Variants in MATN2 observed in about 807,000 individuals in gnomAD.
MATN2 encodes matrilin 2, also known as matrilin-2.
A neutral mutation model predicts 103.2 loss-of-function variants in MATN2; 69 were observed. The observed-to-expected ratio is 0.67, with a 90% CI of 0.55 to 0.82. The LOEUF (loss-of-function observed/expected upper bound fraction) is 0.82, where lower values mean the gene tolerates loss of function less well. Ranked by LOEUF, MATN2 falls within the 40% of genes least tolerant of loss-of-function variation. MATN2 has a pLI of 0.00. For missense variants in MATN2, 1,023 were observed against 1,211.5 expected (o/e 0.84, Z 2.31); for synonymous variants, 429 against 450.2 (o/e 0.95, Z 0.60).
chr8:98,030,327 A>C, intron 14 of MATN2, 135 bp from the exon 15 acceptor site: 1 of 660,386 alleles, frequency 1.5e-6, no homozygotes. Context: ...GTAGAAAAAT[A>C]AAAAGGAAGG....
At chr8:97,916,970 G>T (rs541280015) in intron 2 of MATN2, among the ~76,000 whole-genome samples, 3 of 151,650 alleles carry the variant, frequency 2.0e-5, no homozygotes, top group Non-Finnish European at 4.4e-5. Context: ...TTGCTGGCTC[G>T]TTGGTGCACA....
At chr8:97,907,918 A>T (rs1819235346) in intron 2 of MATN2, among the ~76,000 whole-genome samples, 1 of 151,936 alleles carries the variant, frequency 6.6e-6, no homozygotes, top group East Asian at 1.9e-4. Flanking sequence ...CAGGTGGATA[A>T]CCTGAGGCGA....
At chr8:97,884,053 T>C (rs1379467079) in intron 1 of MATN2, among the ~76,000 whole-genome samples, 2 of 152,194 alleles carry the variant, frequency 1.3e-5, no homozygotes, top group Non-Finnish European at 2.9e-5. Context: ...TAGGATAATA[T>C]ACATAAGTAA....
intron 12 of MATN2, among the ~76,000 whole-genome samples, chr8:98,018,809 C>T (rs991232150): frequency 3.3e-5 from 5 of 152,036 alleles, no homozygotes; most frequent in South Asian, 2.1e-4. Context: ...TCCCACAACA[C>T]GTGGGAATTG....
At chr8:98,001,412 G>C (rs1217429898) in intron 7 of MATN2, among the ~76,000 whole-genome samples, 1 of 151,574 alleles carries the variant, frequency 6.6e-6, no homozygotes, top group African/African-American at 2.4e-5. Flanking sequence ...AGACTCAAAG[G>C]CAGAAAGGAC....
chr8:97,892,191 C>T (rs1406195270), intron 2 of MATN2, among the ~76,000 whole-genome samples: 5 of 148,144 alleles, frequency 3.4e-5, no homozygotes, highest in Admixed American at 2.0e-4. Context: ...GAGCCGAGAT[C>T]ACACCACTGC....
intron 10 of MATN2, among the ~76,000 whole-genome samples, chr8:98,009,117 A>G (rs1253211091): frequency 6.6e-6 from 1 of 152,248 alleles, no homozygotes; most frequent in South Asian, 2.1e-4. Context: ...ATGTGGTTGT[A>G]TCTAGATGAG....
intron 6 of MATN2, among the ~76,000 whole-genome samples, chr8:97,987,194 G>A (rs1379594508): frequency 6.6e-6 from 1 of 152,056 alleles, no homozygotes; most frequent in East Asian, 1.9e-4. Context: ...TGTTGTACTA[G>A]TTTACATTCC....
chr8:97,907,950 C>T (rs1819237250), intron 2 of MATN2, among the ~76,000 whole-genome samples: 1 of 152,122 alleles, frequency 6.6e-6, no homozygotes, highest in Non-Finnish European at 1.5e-5. Flanking sequence ...CCAGCCTGAC[C>T]AATCTGGTGA....
chr8:97,885,038 C>G (rs982615574), intron 1 of MATN2, among the ~76,000 whole-genome samples: 2 of 152,284 alleles, frequency 1.3e-5, no homozygotes, highest in Middle Eastern at 3.4e-3. Flanking sequence ...ATCCTCAGTG[C>G]CTTTTGGTTA....
chr8:98,003,024 T>A (rs1362136885), intron 7 of MATN2, among the ~76,000 whole-genome samples: 1 of 152,010 alleles, frequency 6.6e-6, no homozygotes, highest in East Asian at 1.9e-4. Context: ...CCAGCCATAC[T>A]CAGCTCCTCA....
At chr8:98,006,388 T>G (rs1025476217) in intron 8 of MATN2, among the ~76,000 whole-genome samples, 5 of 152,228 alleles carry the variant, frequency 3.3e-5, no homozygotes, top group Admixed American at 1.3e-4. Context: ...TAGCTACTGT[T>G]CTGAGCGCTT....
intron 7 of MATN2, among the ~76,000 whole-genome samples, chr8:97,996,421 G>A (rs1812591118): frequency 1.3e-5 from 2 of 152,256 alleles, no homozygotes; most frequent in South Asian, 4.2e-4. Context: ...TTGGTCCCCA[G>A]GTGGGCCTGT....
chr8:97,962,942 C>A (rs1481143879), intron 5 of MATN2, among the ~76,000 whole-genome samples: 1 of 152,150 alleles, frequency 6.6e-6, no homozygotes, highest in Admixed American at 6.5e-5. Flanking sequence ...TGAGACCAAC[C>A]TGGCCAATAT....
At chr8:98,009,458 T>C (rs1813085079) in intron 10 of MATN2, among the ~76,000 whole-genome samples, 1 of 152,210 alleles carries the variant, frequency 6.6e-6, no homozygotes, top group African/African-American at 2.4e-5. Context: ...TGGCTCTTTA[T>C]AGAGGCAGCC....
rs893410998 is a variant in MATN2, at chr8:97,869,844, T to G, written c.-27+557T>G. Among the ~76,000 whole-genome samples the G allele has an allele frequency of 2.0e-5, 3 of 152,096 alleles. No individual in the cohort carries two copies. The South Asian group carries it at 6.2e-4, about 32-fold the overall frequency. ...TAGTTGCTAGAAACCCCAGAACAAT[T>G]TGGAGCCGTTTGGGGAGAGGACAGA... On this transcript the variant is annotated intron_variant, in intron 1 of 18. Coordinates refer to ENST00000254898, the MANE Select transcript of MATN2 (RefSeq NM_002380.5).
intron 2 of MATN2, among the ~76,000 whole-genome samples, chr8:97,921,030 T>C (rs577344545): frequency 6.6e-6 from 1 of 152,300 alleles, no homozygotes; most frequent in South Asian, 2.1e-4. Context: ...GTTTATGCAG[T>C]TGATTTCGAA....
At chr8:98,030,397 C>T (rs1813969861) in intron 14 of MATN2, 65 bp from the exon 15 acceptor site, 1 of 1,408,104 alleles carries the variant, frequency 7.1e-7, no homozygotes, top group Non-Finnish European at 9.8e-7. Flanking sequence ...GTGCAGTACA[C>T]ACAACTTCCA....
chr8:97,892,075 A>G (rs979039992), intron 2 of MATN2, among the ~76,000 whole-genome samples: 1 of 152,048 alleles, frequency 6.6e-6, no homozygotes, highest in African/African-American at 2.4e-5. Context: ...TGTCTCTACT[A>G]AAAATACAAA....
Sources: gnomAD v4.1 joint callset for allele counts (sites outside exome capture counted in the v4.1 genomes callset) on GRCh38, gnomAD v4.1.1 for gene constraint, MANE v1.5 for transcripts, NCBI Gene and HGNC (gene_info 2026-07-23, HGNC 2026-07-21) for gene names.